The following GSE1 variants were observed in gnomAD, a reference collection of about 807,000 sequenced individuals.
GSE1 encodes the protein genetic suppressor element 1.
In GSE1, 32 loss-of-function variants were observed where a neutral mutation model predicts 112.6. That is an observed-to-expected ratio of 0.28 (90% CI 0.21 to 0.38). The LOEUF (loss-of-function observed/expected upper bound fraction) is 0.38, where lower values mean the gene tolerates loss of function less well. GSE1 is among the 10% of genes least tolerant of loss of function. The pLI, the probability that GSE1 is intolerant of heterozygous loss-of-function variation, is 1.00. For synonymous variants in GSE1, 1,115 were observed against 735.6 expected (o/e 1.52, Z -8.35); for missense variants, 2,348 against 1,699.2 (o/e 1.38, Z -6.71).
intron 2 of GSE1, among the ~76,000 whole-genome samples, chr16:85,544,553 C>G (rs1422682733): frequency 2.0e-5 from 3 of 152,208 alleles, no homozygotes; most frequent in African/African-American, 7.2e-5. Flanking sequence ...GCATCCCACT[C>G]TGGTCTGTCG....
intron 2 of GSE1, among the ~76,000 whole-genome samples, chr16:85,384,731 A>C (rs1348280618): frequency 6.6e-6 from 1 of 152,158 alleles, no homozygotes; most frequent in African/African-American, 2.4e-5. Flanking sequence ...GATGAGCTCC[A>C]GCTAATGAAG....
intron 1 of GSE1, among the ~76,000 whole-genome samples, chr16:85,229,107 G>A (rs2143820310): frequency 6.6e-6 from 1 of 152,376 alleles, no homozygotes; most frequent in Middle Eastern, 3.4e-3. Context: ...TGCAGCGTGG[G>A]GGTGGCGGCA....
At chr16:85,501,988 G>A (rs2051384247) in intron 2 of GSE1, among the ~76,000 whole-genome samples, 1 of 152,230 alleles carries the variant, frequency 6.6e-6, no homozygotes, top group Admixed American at 6.5e-5. Context: ...CTCCTCACAG[G>A]AGGCTCAGCC....
chr16:85,219,748 T>A (rs184122021), intron 1 of GSE1, among the ~76,000 whole-genome samples: 30 of 152,362 alleles, frequency 2.0e-4, no homozygotes, highest in African/African-American at 6.5e-4. Flanking sequence ...GAGCCCCTCC[T>A]TCCCCCTTCT....
chr16:85,192,742 A>G (rs934439948), intron 1 of GSE1, among the ~76,000 whole-genome samples: 1 of 152,174 alleles, frequency 6.6e-6, no homozygotes, highest in Non-Finnish European at 1.5e-5. Context: ...GGAGGGGGAT[A>G]TTCTCTTTGG....
upstream of GSE1, among the ~76,000 whole-genome samples, chr16:85,610,623 G>C (rs1454058396): frequency 6.6e-6 from 1 of 152,236 alleles, no homozygotes; most frequent in African/African-American, 2.4e-5. Flanking sequence ...CCCCTTGCCA[G>C]CCCGCCTGGT....
intron 1 of GSE1, among the ~76,000 whole-genome samples, chr16:85,235,428 C>T (rs549378412): frequency 3.2e-4 from 41 of 126,394 alleles, no homozygotes; most frequent in South Asian, 8.6e-4. Context: ...TGGAAGGGTA[C>T]TGTGTGTGTG....
At chr16:85,415,296 G>T (rs984774789) in intron 2 of GSE1, among the ~76,000 whole-genome samples, 1 of 152,236 alleles carries the variant, frequency 6.6e-6, no homozygotes, top group Non-Finnish European at 1.5e-5. Flanking sequence ...TCCCCCTGGG[G>T]AGGGAGTGTG....
Position 85,331,431 on chromosome 16 carries a change from GTA to G in GSE1, c.2284-26024_2284-26023del, listed in dbSNP as rs200925970. ...TATATATGCGTATATATGTATATAT[GTA>G]TATATATGCGTATATATGTATATAT... is the stretch of plus-strand genomic sequence containing the variant. On this transcript the variant is annotated intron_variant, in intron 1 of 2. Transcript: ENST00000637419. 2.5e-4 allele frequency among the ~76,000 whole-genome samples: 33 copies of G among 133,494 alleles called. 1 individual carries two copies. Among genetic ancestry groups the G allele is most frequent in the African/African-American group, 6.6e-4 (24 of 36,406 alleles). 87.6% of individuals were successfully genotyped at this position (133,494 alleles called of 152,430 possible). A position where few individuals can be genotyped will look rare whatever the true frequency, so the allele number is the denominator to read the frequency against.
intron 2 of GSE1, among the ~76,000 whole-genome samples, chr16:85,515,521 A>G (rs1238619959): frequency 6.6e-6 from 1 of 152,076 alleles, no homozygotes; most frequent in Admixed American, 6.5e-5. Flanking sequence ...GGAGCTCAGA[A>G]AGAAGGGCCA....
intron 1 of GSE1, among the ~76,000 whole-genome samples, chr16:85,291,538 C>T (rs979837835): frequency 2.6e-5 from 4 of 152,188 alleles, no homozygotes; most frequent in African/African-American, 9.6e-5. Context: ...TCGGCCCTGG[C>T]AGGGCAGACT....
intron 1 of GSE1, among the ~76,000 whole-genome samples, chr16:85,206,498 G>A (rs1444149395): frequency 3.9e-5 from 6 of 152,180 alleles, no homozygotes; most frequent in Middle Eastern, 3.2e-3. Flanking sequence ...ACTGGGTCTC[G>A]ATGGGGCCTG....
intron 3 of GSE1, among the ~76,000 whole-genome samples, chr16:85,650,577 C>T (rs1299552036): frequency 6.6e-5 from 10 of 152,178 alleles, no homozygotes; most frequent in South Asian, 2.1e-4. Context: ...GGGTCCTTAC[C>T]GCCTCGGGAA....
chr16:85,650,453 C>T (rs990149920), intron 3 of GSE1, among the ~76,000 whole-genome samples: 1 of 152,216 alleles, frequency 6.6e-6, no homozygotes, highest in East Asian at 1.9e-4. Flanking sequence ...GGACCCTGCA[C>T]CCAGCCACTG....
intron 2 of GSE1, among the ~76,000 whole-genome samples, chr16:85,494,517 A>G (rs1024619278): frequency 1.3e-5 from 2 of 151,016 alleles, no homozygotes; most frequent in African/African-American, 2.4e-5. Flanking sequence ...CAGTGGTGCA[A>G]TCCCAGCTCA....
At chr16:85,300,606 G>C (rs1427340062) in intron 1 of GSE1, among the ~76,000 whole-genome samples, 1 of 152,230 alleles carries the variant, frequency 6.6e-6, no homozygotes, top group Admixed American at 6.5e-5. Flanking sequence ...CTGCGTTGCA[G>C]GGGGTGTCAG....
chr16:85,211,669 G>T (rs2075228485), intron 1 of GSE1, among the ~76,000 whole-genome samples: 1 of 152,204 alleles, frequency 6.6e-6, no homozygotes, highest in African/African-American at 2.4e-5. Context: ...GAGAGACCAG[G>T]GGTGGAGTGA....
intron 1 of GSE1, among the ~76,000 whole-genome samples, chr16:85,341,268 C>T (rs2046618725): frequency 6.6e-6 from 1 of 152,024 alleles, no homozygotes; most frequent in African/African-American, 2.4e-5. Context: ...CAGCTCACTG[C>T]AGCCTTGACC....
intron 2 of GSE1, among the ~76,000 whole-genome samples, chr16:85,424,341 A>G (rs1358660394): frequency 6.6e-6 from 1 of 151,966 alleles, no homozygotes; most frequent in African/African-American, 2.4e-5. Context: ...AAAACATTTC[A>G]CCTGTTCGGC....
Sources: allele counts gnomAD v4.1 joint callset (sites outside exome capture counted in the v4.1 genomes callset), GRCh38; gene constraint gnomAD v4.1.1; transcripts MANE v1.5; gene names NCBI Gene and HGNC (gene_info 2026-07-23, HGNC 2026-07-21).